Variants in SPAG9 observed in about 807,000 individuals in gnomAD.
SPAG9 encodes sperm associated antigen 9, also known as C-Jun-amino-terminal kinase-interacting protein 4.
Under a neutral mutation model 166.5 loss-of-function variants are expected in SPAG9, and 35 were observed. That is an observed-to-expected ratio of 0.21 (90% confidence interval 0.16 to 0.28). The LOEUF (loss-of-function observed/expected upper bound fraction) is 0.28. Among genes scored for constraint, SPAG9 ranks in the 10% least tolerant of loss-of-function variants. SPAG9 has a pLI of 1.00. For missense variants in SPAG9, 1,235 were observed against 1,603.3 expected, an observed-to-expected ratio of 0.77 and a Z score of 3.92; for synonymous variants, 534 against 565.5, an observed-to-expected ratio of 0.94 and a Z score of 0.79.
rs372454166 is a variant in SPAG9 at position 51,082,839 on chromosome 17, C to T, written c.304-3135G>A. ...TTTGTTTTTTTGTCTACACACATTA[C>T]GTTCCTTTGGGGAACTTTCTCTCTC... On this transcript the variant is annotated intron_variant, in intron 1 of 29. Transcript: ENST00000262013. Among the ~76,000 whole-genome samples, 8 of 152,194 alleles carry T rather than the reference C, an allele frequency of 5.3e-5. No individual in the cohort carries two copies. The South Asian group carries it at 1.2e-3, about 24-fold the overall frequency.
chr17:51,017,558 G>A (rs1370682213), intron 8 of SPAG9, among the ~76,000 whole-genome samples: 2 of 151,564 alleles, frequency 1.3e-5, no homozygotes, highest in African/African-American at 2.4e-5. Flanking sequence ...GAGACAGAGG[G>A]TTCTGGATTT....
chr17:51,096,056 T>TATATATATATATAGTG (rs1568084250), intron 1 of SPAG9, among the ~76,000 whole-genome samples: 2 of 141,388 alleles, frequency 1.4e-5, no homozygotes, highest in Non-Finnish European at 3.1e-5. Flanking sequence ...TATATAGTGA[T>TATATATATATATAGTG]ATATATATAT....
chr17:51,033,902 T>C (rs771990868), intron 5 of SPAG9, among the ~76,000 whole-genome samples: 6 of 152,256 alleles, frequency 3.9e-5, no homozygotes, highest in Non-Finnish European at 8.8e-5. Flanking sequence ...TTACCTCAGA[T>C]GAAGTCACAT....
At chr17:51,025,273 G>A (rs1281206298) in intron 6 of SPAG9, among the ~76,000 whole-genome samples, 2 of 124,778 alleles carry the variant, frequency 1.6e-5, no homozygotes, top group African/African-American at 3.2e-5. Flanking sequence ...AGCCAAAATT[G>A]TGCCACCACA....
intron 15 of SPAG9, among the ~76,000 whole-genome samples, chr17:50,998,066 A>AC (rs1478182097): frequency 8.4e-6 from 1 of 119,456 alleles, no homozygotes; most frequent in Non-Finnish European, 1.6e-5. Context: ...ATGGAATCTC[A>AC]CTCTGTCACC....
chr17:51,083,547 A>AT (rs1317950071), intron 1 of SPAG9, among the ~76,000 whole-genome samples: 4 of 94,922 alleles, frequency 4.2e-5, no homozygotes, highest in African/African-American at 1.4e-4. Flanking sequence ...TCTTTATTTT[A>AT]TTTATTTATT....
intron 4 of SPAG9, among the ~76,000 whole-genome samples, chr17:51,045,349 A>G (rs1405190101): frequency 2.6e-5 from 4 of 152,214 alleles, no homozygotes; most frequent in African/African-American, 9.6e-5. Flanking sequence ...ATATACAGAT[A>G]CACGTACACA....
intron 12 of SPAG9, 141 bp downstream of exon 12, chr17:51,005,071 C>G (rs776136010): frequency 2.9e-6 from 2 of 683,478 alleles, no homozygotes; most frequent in African/African-American, 3.6e-5. Flanking sequence ...GAAGCATGAG[C>G]TATCCTATTC....
Position 50,996,191 on chromosome 17 carries a change from AT to A in SPAG9, c.1968+373del, listed in dbSNP as rs1367930031. ...TAAAATTCCTGAAGACCTGAACTTA[AT>A]TTTAAATGAACAGTTTGAAAAGTTC... On this transcript the variant is annotated intron_variant, in intron 16 of 29. Coordinates refer to ENST00000262013, the MANE Select transcript of SPAG9 (RefSeq NM_001130528.3). 9 of 187,694 alleles carry A rather than the reference AT, an allele frequency of 4.8e-5. No homozygotes were observed. In the Admixed American group the frequency reaches 5.0e-4, roughly 10 times the overall value. 11.6% of individuals were successfully genotyped at this position (187,694 alleles called of 1,614,324 possible). A position where few individuals can be genotyped will look rare whatever the true frequency, so the allele number is the denominator to read the frequency against.
rs928911880 is a variant in SPAG9 at position 50,966,302 on chromosome 17, T to C, written c.3936A>G (p.Ile1312Met). 3 of 1,613,604 alleles carry C rather than the reference T, an allele frequency of 1.9e-6. No homozygotes were observed. Among genetic ancestry groups the C allele is most frequent in the Admixed American group, 1.7e-5 (1 of 60,004 alleles). ...SVTKAERSHL[I>M]VWQVMYGNE Reference sequence around the variant, plus strand: ...CATTGCCATACATCACTTGCCACACTATCAAGTGACTCCTTTCTGCTTTGG... The same window carrying C: ...CATTGCCATACATCACTTGCCACACCATCAAGTGACTCCTTTCTGCTTTGG... Residue 1312 changes from isoleucine (I) to methionine (M), a missense_variant, in exon 30 of 30, where the codon ATA becomes ATG. Ile to Met is a conservative substitution (Grantham distance 10). Coordinates refer to ENST00000262013, the MANE Select transcript of SPAG9 (RefSeq NM_001130528.3).
At chr17:51,046,141 G>T (rs953650559) in intron 4 of SPAG9, among the ~76,000 whole-genome samples, 1 of 152,140 alleles carries the variant, frequency 6.6e-6, no homozygotes, top group Non-Finnish European at 1.5e-5. Context: ...AAGCATAAAA[G>T]ATATTTGTCC....
intron 7 of SPAG9, among the ~76,000 whole-genome samples, chr17:51,020,833 A>G (rs1220120605): frequency 6.6e-6 from 1 of 152,190 alleles, no homozygotes; most frequent in Non-Finnish European, 1.5e-5. Context: ...CAACTTATCA[A>G]TATCCTCCCA....
chr17:51,098,659 AT>A (rs1414137901), intron 1 of SPAG9, among the ~76,000 whole-genome samples: 3 of 151,648 alleles, frequency 2.0e-5, no homozygotes, highest in East Asian at 2.0e-4. Flanking sequence ...CGCCAGACTA[AT>A]TTTCTGTATT....
intron 8 of SPAG9, 45 bp from the exon 9 acceptor site, chr17:51,014,398 C>A (rs925454597): frequency 1.3e-6 from 2 of 1,565,146 alleles, no homozygotes; most frequent in Admixed American, 1.8e-5. Context: ...ATGACAAAGA[C>A]TTTTTTGACG....
Position 50,977,236 on chromosome 17 carries a change from G to A in SPAG9, c.3410-15C>T, listed in dbSNP as rs202228922. ...TTTTCCAGTACCTGTAAAGAAAGGA[G>A]GGAACACGTTATTGAGAAACTAAAG... is the stretch of plus-strand genomic sequence containing the variant. On this transcript the variant is annotated splice_polypyrimidine_tract_variant and intron_variant, in intron 26 of 29. Coordinates refer to ENST00000262013, the MANE Select transcript of SPAG9 (RefSeq NM_001130528.3). 8 of 1,488,362 alleles carry A rather than the reference G, an allele frequency of 5.4e-6. No homozygotes were observed. The Admixed American group carries it at 6.7e-5, about 13-fold the overall frequency. The allele number at this position is 1,488,362 out of a possible 1,614,324, so 92.2% of individuals were successfully genotyped here. A position where few individuals can be genotyped will look rare whatever the true frequency, so the allele number is the denominator to read the frequency against.
At chr17:51,112,370 CAAA>C (rs767699831) in intron 1 of SPAG9, among the ~76,000 whole-genome samples, 7 of 38,566 alleles carry the variant, frequency 1.8e-4, no homozygotes, top group African/African-American at 6.2e-4. Flanking sequence ...CCCATCTCTA[CAAA>C]AAAAAAAAAA....
intron 4 of SPAG9, chr17:51,047,022 A>T: frequency 9.0e-7 from 1 of 1,112,486 alleles, no homozygotes; most frequent in African/African-American, 1.6e-5. Flanking sequence ...ACCCTTTCAA[A>T]CATGCCTCTC....
chr17:51,119,033 C>CAA (rs3079111), intron 1 of SPAG9, among the ~76,000 whole-genome samples: 1,049 of 96,068 alleles, frequency 0.011, 53 homozygotes, highest in African/African-American at 0.037. Context: ...GACTACGTCT[C>CAA]AAAAAAAAAA....
At chr17:51,076,985 T>TCTAGCTATCTAGCTAG (rs2047990081) in intron 2 of SPAG9, among the ~76,000 whole-genome samples, 4 of 101,646 alleles carry the variant, frequency 3.9e-5, no homozygotes, top group Non-Finnish European at 6.6e-5. Context: ...ATCTATCTTA[T>TCTAGCTATCTAGCTAG]CTAGCTATCT....
Sources: gnomAD v4.1 joint callset for allele counts (sites outside exome capture counted in the v4.1 genomes callset) on GRCh38, gnomAD v4.1.1 for gene constraint, MANE v1.5 for transcripts, NCBI Gene and HGNC (gene_info 2026-07-23, HGNC 2026-07-21) for gene names.